The following HECW1 variants were observed in gnomAD, a reference collection of about 807,000 sequenced individuals.
HECW1 encodes the protein HECT, C2 and WW domain containing E3 ubiquitin protein ligase 1, also known as E3 ubiquitin-protein ligase HECW1.
Under a neutral mutation model 182.3 loss-of-function variants are expected in HECW1, and 61 were observed. The observed-to-expected ratio is 0.33, with a 90% CI of 0.27 to 0.41. HECW1 has a LOEUF of 0.41. HECW1 is among the 10% of genes least tolerant of loss of function. The pLI is 1.00. For missense variants in HECW1, 1,739 were observed against 2,108.9 expected (o/e 0.82, Z 3.44); for synonymous variants, 859 against 832.6 (o/e 1.03, Z -0.55).
At position 43,336,120 on chromosome 7, in the gene HECW1, T is replaced by C. The variant is rs1392029382; in HGVS notation, c.460+15378T>C. Among the ~76,000 whole-genome samples, 17 of 75,426 alleles carry C rather than the reference T, an allele frequency of 2.3e-4. 1 individual carries two copies. Among genetic ancestry groups the C allele is most frequent in the African/African-American group, 4.6e-4 (8 of 17,326 alleles). 49.5% of individuals were successfully genotyped at this position (75,426 alleles called of 152,430 possible). A position where few individuals can be genotyped will look rare whatever the true frequency, so the allele number is the denominator to read the frequency against. ...CTTTCTTTCTTCTTTCTTTCTTTCT[T>C]TCTTTCTCTCTCTCTCTCTCTCTTT... On this transcript the variant is annotated intron_variant, in intron 5 of 29. Coordinates refer to ENST00000395891, the MANE Select transcript of HECW1 (RefSeq NM_015052.5).
chr7:43,253,868 AT>A (rs2152727898), intron 3 of HECW1, among the ~76,000 whole-genome samples: 1 of 152,224 alleles, frequency 6.6e-6, no homozygotes, highest in African/African-American at 2.4e-5. Flanking sequence ...AGATCATGCC[AT>A]TGCACTCCAG....
intron 3 of HECW1, chr7:43,311,542 C>T: frequency 2.7e-6 from 2 of 739,286 alleles, no homozygotes; most frequent in South Asian, 1.4e-5. Context: ...AAACGCAGGA[C>T]ACCCTGGTGC....
chr7:43,191,613 A>T (rs1178609885), intron 2 of HECW1, among the ~76,000 whole-genome samples: 1 of 152,032 alleles, frequency 6.6e-6, no homozygotes, highest in Non-Finnish European at 1.5e-5. Context: ...AGCATTTAGC[A>T]TATATGATCA....
chr7:43,493,524 G>A (rs959387293), intron 19 of HECW1, among the ~76,000 whole-genome samples: 7 of 152,078 alleles, frequency 4.6e-5, no homozygotes, highest in Admixed American at 4.6e-4. Flanking sequence ...AAATATAATT[G>A]TTGAACGGTA....
At chr7:43,216,295 A>G (rs6969180) in intron 2 of HECW1, among the ~76,000 whole-genome samples, 77,642 of 151,708 alleles carry the variant, frequency 0.51, 21,181 homozygotes, top group African/African-American at 0.71. Context: ...ACAGGTGTGC[A>G]CCACCATGCC....
At chr7:43,523,994 A>G (rs1000084550) in intron 24 of HECW1, among the ~76,000 whole-genome samples, 4 of 149,352 alleles carry the variant, frequency 2.7e-5, no homozygotes, top group Admixed American at 6.6e-5. Flanking sequence ...CCTTCAGACT[A>G]TGTTTTTCAT....
chr7:43,229,801 T>C (rs988714354), intron 2 of HECW1, among the ~76,000 whole-genome samples: 2 of 152,160 alleles, frequency 1.3e-5, no homozygotes, highest in Non-Finnish European at 2.9e-5. Flanking sequence ...AAGGATAAAA[T>C]AGTGACTTTA....
intron 6 of HECW1, among the ~76,000 whole-genome samples, chr7:43,392,210 A>G (rs189078634): frequency 1.3e-5 from 2 of 152,342 alleles, no homozygotes; most frequent in East Asian, 1.9e-4. Context: ...CTCATTGTCA[A>G]TTTAATTGTT....
chr7:43,504,755 C>G (rs191388043), intron 21 of HECW1, among the ~76,000 whole-genome samples: 8 of 152,286 alleles, frequency 5.3e-5, no homozygotes, highest in Admixed American at 3.3e-4. Flanking sequence ...CCCTCAGCAC[C>G]CTTCCTCTCT....
At chr7:43,122,605 T>A (rs573783935) in intron 2 of HECW1, among the ~76,000 whole-genome samples, 39 of 152,262 alleles carry the variant, frequency 2.6e-4, no homozygotes, top group Admixed American at 2.4e-3. Context: ...TAAAGTAAAA[T>A]TTATCTTTCT....
intron 3 of HECW1, among the ~76,000 whole-genome samples, chr7:43,255,955 G>A (rs889774606): frequency 6.6e-6 from 1 of 152,188 alleles, no homozygotes; most frequent in African/African-American, 2.4e-5. Flanking sequence ...TATGTCATCT[G>A]CTTCCAAGAA....
intron 2 of HECW1, among the ~76,000 whole-genome samples, chr7:43,162,242 C>A (rs1487950423): frequency 6.6e-6 from 1 of 152,232 alleles, no homozygotes; most frequent in Admixed American, 6.5e-5. Context: ...TAACAAATTA[C>A]GACAAACTTG....
chr7:43,470,940 T>A (rs1456300649), intron 16 of HECW1, among the ~76,000 whole-genome samples: 1 of 152,244 alleles, frequency 6.6e-6, no homozygotes, highest in South Asian at 2.1e-4. Context: ...GAAAAATACA[T>A]GGACTAGTCC....
At chr7:43,174,149 G>A (rs6967694) in intron 2 of HECW1, among the ~76,000 whole-genome samples, 62,723 of 151,980 alleles carry the variant, frequency 0.41, 13,178 homozygotes, top group East Asian at 0.48. Context: ...CCTTAAATGA[G>A]TCTTGATAGG....
intron 8 of HECW1, among the ~76,000 whole-genome samples, chr7:43,422,967 G>A (rs1205315657): frequency 1.3e-5 from 2 of 152,168 alleles, no homozygotes; most frequent in East Asian, 3.9e-4. Flanking sequence ...CAATTGCTAA[G>A]TGATTACTGT....
At chr7:43,389,207 A>G (rs1417458902) in intron 6 of HECW1, among the ~76,000 whole-genome samples, 1 of 152,230 alleles carries the variant, frequency 6.6e-6, no homozygotes, top group East Asian at 1.9e-4. Context: ...TAAGAGATGT[A>G]GACCCTTGAG....
chr7:43,187,201 T>C (rs1395779730), intron 2 of HECW1, among the ~76,000 whole-genome samples: 1 of 152,224 alleles, frequency 6.6e-6, no homozygotes, highest in Non-Finnish European at 1.5e-5. Flanking sequence ...GGCAGATGCC[T>C]CTTCCAGAGC....
chr7:43,493,971 C>A (rs1208376751), intron 19 of HECW1, among the ~76,000 whole-genome samples: 2 of 152,120 alleles, frequency 1.3e-5, no homozygotes, highest in Non-Finnish European at 1.5e-5. Flanking sequence ...GCAGGGCAGG[C>A]TAGAATCCCA....
chr7:43,460,641 A>T (rs748242906), intron 13 of HECW1, among the ~76,000 whole-genome samples: 7 of 152,136 alleles, frequency 4.6e-5, no homozygotes, highest in Non-Finnish European at 1.0e-4. Flanking sequence ...TATCTATTAT[A>T]AATATTTAAC....
Sources: allele counts gnomAD v4.1 joint callset (sites outside exome capture counted in the v4.1 genomes callset), GRCh38; gene constraint gnomAD v4.1.1; transcripts MANE v1.5; gene names NCBI Gene and HGNC (gene_info 2026-07-23, HGNC 2026-07-21).